Variants in SETD3 observed in about 807,000 individuals in gnomAD.
The protein encoded by SETD3 is SET domain containing 3, actin N3(tau)-histidine methyltransferase.
Under a neutral mutation model 63.0 loss-of-function variants are expected in SETD3, and 19 were observed. The ratio of observed to expected loss-of-function variants is 0.30; its 90% CI spans 0.21 to 0.44. The LOEUF (loss-of-function observed/expected upper bound fraction) is 0.44. SETD3 is among the 20% of genes least tolerant of loss of function. SETD3 has a pLI of 1.00. For missense variants in SETD3, 587 were observed against 728.5 expected (o/e 0.81, Z 2.24); for synonymous variants, 286 against 264.1 (o/e 1.08, Z -0.80).
intron 1 of SETD3, among the ~76,000 whole-genome samples, chr14:99,479,268 T>C (rs565836070): frequency 2.0e-4 from 31 of 152,218 alleles, no homozygotes; most frequent in Non-Finnish European, 2.9e-4. Context: ...CTGTAGCTGT[T>C]TGAGAACTTG....
intron 6 of SETD3, among the ~76,000 whole-genome samples, chr14:99,423,228 A>G (rs1892682900): frequency 6.6e-6 from 1 of 152,136 alleles, no homozygotes; most frequent in African/African-American, 2.4e-5. Context: ...TAGCTCTCAA[A>G]ATCTAAGTAA....
rs1891203195 is a variant in SETD3, at chr14:99,398,504, C to A, written c.*175G>T. The A allele has an allele frequency of 1.6e-6, 1 of 637,428 alleles. No homozygotes were observed. 39.5% of individuals were successfully genotyped at this position (637,428 alleles called of 1,614,324 possible). A position where few individuals can be genotyped will look rare whatever the true frequency, so the allele number is the denominator to read the frequency against. ...CTAAAAGCAAGATGGCAATCTTAATCAAAAAGGGAAGCTAGATTTTTAAAA... is the reference window on the plus strand; with the variant it reads ...CTAAAAGCAAGATGGCAATCTTAATAAAAAAGGGAAGCTAGATTTTTAAAA... On this transcript the variant is annotated 3_prime_UTR_variant, in exon 13 of 13. Coordinates refer to ENST00000331768, the MANE Select transcript of SETD3 (RefSeq NM_032233.3).
chr14:99,444,479 T>C (rs930947959), intron 6 of SETD3: 6 of 152,192 alleles, frequency 3.9e-5, no homozygotes, highest in African/African-American at 1.4e-4. Flanking sequence ...ATAGCGAGGA[T>C]ACTGAACATT....
chr14:99,443,440 C>T (rs1341779252), intron 6 of SETD3, among the ~76,000 whole-genome samples: 1 of 151,878 alleles, frequency 6.6e-6, no homozygotes, highest in Non-Finnish European at 1.5e-5. Context: ...TTAGTAGAGA[C>T]GGGGTTTCAC....
intron 6 of SETD3, among the ~76,000 whole-genome samples, chr14:99,437,230 GAGTTCTGTTCCCTCCCTTCC>G (rs1893535747): frequency 6.6e-6 from 1 of 152,180 alleles, no homozygotes. Context: ...GCTACCTCAA[GAGTTCTGTTCCCTCCCTTCC>G]AGCATGTCTA....
chr14:99,405,668 C>CA (rs1467168070), intron 9 of SETD3, among the ~76,000 whole-genome samples: 2 of 152,098 alleles, frequency 1.3e-5, no homozygotes, highest in Non-Finnish European at 2.9e-5. Context: ...GACCTGGGGT[C>CA]ACCAGGCCTC....
At chr14:99,400,906 A>C (rs1050053361) in intron 11 of SETD3, among the ~76,000 whole-genome samples, 1 of 152,188 alleles carries the variant, frequency 6.6e-6, no homozygotes, top group Non-Finnish European at 1.5e-5. Flanking sequence ...TTGGGAAGCC[A>C]AGGCAGGTGG....
intron 6 of SETD3, among the ~76,000 whole-genome samples, chr14:99,434,123 C>A (rs1893338066): frequency 5.3e-5 from 8 of 152,228 alleles, no homozygotes; most frequent in Admixed American, 5.2e-4. Context: ...CTAGCAGCTT[C>A]ACTTGTAATA....
At chr14:99,399,335 C>T (rs1257265) in intron 12 of SETD3, among the ~76,000 whole-genome samples, 72,184 of 151,884 alleles carry the variant, frequency 0.48, 17,462 homozygotes, top group East Asian at 0.56. Flanking sequence ...GTAAATTATA[C>T]CTCAATGGAA....
At chr14:99,414,592 T>A (rs1892190465) in intron 6 of SETD3, among the ~76,000 whole-genome samples, 1 of 152,224 alleles carries the variant, frequency 6.6e-6, no homozygotes, top group Non-Finnish European at 1.5e-5. Flanking sequence ...AAATTTTACT[T>A]CTTTCCTGGA....
At chr14:99,461,128 C>T in intron 4 of SETD3, 64 bp downstream of exon 4, 1 of 1,570,530 alleles carries the variant, frequency 6.4e-7, no homozygotes, top group Non-Finnish European at 8.7e-7. Context: ...TCACCCTGCG[C>T]CCTCTACAGC....
chr14:99,424,103 G>C (rs1892746993), intron 6 of SETD3, among the ~76,000 whole-genome samples: 1 of 152,054 alleles, frequency 6.6e-6, no homozygotes, highest in Non-Finnish European at 1.5e-5. Context: ...TAGAAAACAG[G>C]TAATTATTAA....
intron 11 of SETD3, among the ~76,000 whole-genome samples, chr14:99,401,732 GCTTT>G: frequency 6.6e-6 from 1 of 152,004 alleles, no homozygotes; most frequent in East Asian, 1.9e-4. Context: ...GTTTTTTTAA[GCTTT>G]CTTAGTGGCT....
chr14:99,405,115 G>A (rs767893245), intron 10 of SETD3, 90 bp downstream of exon 10: 4 of 1,486,562 alleles, frequency 2.7e-6, no homozygotes, highest in Non-Finnish European at 3.6e-6. Flanking sequence ...CTACTGGAGA[G>A]AAGTTTTATT....
At chr14:99,468,269 C>T (rs1010646794) in intron 1 of SETD3, among the ~76,000 whole-genome samples, 2 of 152,052 alleles carry the variant, frequency 1.3e-5, no homozygotes, top group African/African-American at 4.8e-5. Context: ...CACACCTAGG[C>T]AGCTCCAGCC....
rs1296710151 is a variant in SETD3 at position 99,458,346 on chromosome 14, A to G, written c.608T>C (p.Ile203Thr). The stretch of plus-strand genomic sequence containing the variant: ...TTTATACTGGCTGAAGACATCATGT[A>G]TAGCTTGTGTGGACTGAAGATACCG... ...EVRYLQSTQAIHDVFSQYKNT... is the reference protein window; with the variant it reads ...EVRYLQSTQATHDVFSQYKNT... Residue 203 changes from isoleucine (I) to threonine (T), a missense_variant, in exon 6 of 13, where the codon ATA becomes ACA. Transcript: ENST00000331768. 2 of 1,614,052 alleles carry G rather than the reference A, an allele frequency of 1.2e-6. No individual in the cohort carries two copies. The highest frequency in any genetic ancestry group is 1.7e-6 in the Non-Finnish European group (2 of 1,180,046).
chr14:99,417,691 C>T (rs1159148851), intron 6 of SETD3, among the ~76,000 whole-genome samples: 2 of 152,218 alleles, frequency 1.3e-5, no homozygotes, highest in Non-Finnish European at 2.9e-5. Flanking sequence ...AATTCAGAAA[C>T]ATCTAGTACG....
intron 8 of SETD3, among the ~76,000 whole-genome samples, 154 bp from the exon 9 acceptor site, chr14:99,406,744 T>C (rs1305440435): frequency 1.3e-5 from 2 of 152,272 alleles, no homozygotes; most frequent in Non-Finnish European, 2.9e-5. Context: ...GGCAAAGAAC[T>C]GCTTGAGCAC....
intron 6 of SETD3, among the ~76,000 whole-genome samples, chr14:99,453,864 T>C (rs1384757020): frequency 1.3e-5 from 2 of 152,080 alleles, no homozygotes; most frequent in African/African-American, 2.4e-5. Context: ...ATTATCAATA[T>C]GTAATGATCC....
Sources: gnomAD v4.1 joint callset for allele counts (sites outside exome capture counted in the v4.1 genomes callset) on GRCh38, gnomAD v4.1.1 for gene constraint, MANE v1.5 for transcripts, NCBI Gene and HGNC (gene_info 2026-07-23, HGNC 2026-07-21) for gene names.